SAMD5: variants seen among roughly 807,000 people sequenced by gnomAD.
SAMD5 encodes sterile alpha motif domain containing 5, also known as sterile alpha motif domain-containing protein 5.
SAMD5 carries 13 observed loss-of-function variants against 11.3 expected under a neutral mutation model. The ratio of observed to expected loss-of-function variants is 1.15; its 90% CI spans 0.75 to 1.83. The LOEUF (loss-of-function observed/expected upper bound fraction) is 1.83. Ranked by LOEUF, SAMD5 falls within the 40% of genes most tolerant of loss-of-function variation. SAMD5 has a pLI of 0.00. For missense variants in SAMD5, 255 were observed against 239.1 expected, an observed-to-expected ratio of 1.07 and a Z score of -0.44; for synonymous variants, 129 against 111.3, an observed-to-expected ratio of 1.16 and a Z score of -1.00.
chr6:147,896,572 A>T, the SAMD5 span, among the ~76,000 whole-genome samples: 1 of 152,082 alleles, frequency 6.6e-6, no homozygotes, highest in Non-Finnish European at 1.5e-5. Context: ...TGGAGACGGG[A>T]TGTGCAAAAA....
chr6:147,745,099 G>A, the SAMD5 span, among the ~76,000 whole-genome samples: 1 of 151,956 alleles, frequency 6.6e-6, no homozygotes, highest in Non-Finnish European at 1.5e-5. Context: ...GTATTCTTGT[G>A]ATTTTTAAAA....
At chr6:147,869,380 A>G in the SAMD5 span, among the ~76,000 whole-genome samples, 1 of 152,186 alleles carries the variant, frequency 6.6e-6, no homozygotes, top group African/African-American at 2.4e-5. Context: ...CATAGATTTC[A>G]GGTCCTGCCT....
intron 1 of SAMD5, among the ~76,000 whole-genome samples, chr6:147,544,691 T>C (rs1788658407): frequency 6.6e-6 from 1 of 152,192 alleles, no homozygotes; most frequent in South Asian, 2.1e-4. Flanking sequence ...TACTGCTTTA[T>C]ATCCTTTTGT....
the SAMD5 span, among the ~76,000 whole-genome samples, chr6:147,754,661 C>A: frequency 3.7e-3 from 563 of 152,028 alleles, 3 homozygotes; most frequent in African/African-American, 0.013. Flanking sequence ...GAGATTTTCC[C>A]CGATGTTTTC....
At chr6:147,784,843 A>G in the SAMD5 span, among the ~76,000 whole-genome samples, 1 of 152,248 alleles carries the variant, frequency 6.6e-6, no homozygotes, top group South Asian at 2.1e-4. Context: ...AGCACTAGCT[A>G]AAACAAACTG....
intron 1 of SAMD5, among the ~76,000 whole-genome samples, chr6:147,642,920 T>C (rs1790335558): frequency 6.6e-6 from 1 of 152,200 alleles, no homozygotes; most frequent in Non-Finnish European, 1.5e-5. Context: ...TGCACTGTTG[T>C]CACCCCAGAA....
chr6:147,697,709 A>G (rs1433963384), intron 1 of SAMD5, among the ~76,000 whole-genome samples: 1 of 152,224 alleles, frequency 6.6e-6, no homozygotes, highest in Non-Finnish European at 1.5e-5. Flanking sequence ...GAGCAAGGAA[A>G]CAATCATGAT....
the SAMD5 span, among the ~76,000 whole-genome samples, chr6:147,796,409 C>T: frequency 7.3e-3 from 1,116 of 152,160 alleles, 14 homozygotes; most frequent in African/African-American, 0.025. Context: ...GGGCTCTGTT[C>T]CGTTCCATTG....
the SAMD5 span, among the ~76,000 whole-genome samples, chr6:147,932,497 C>A: frequency 4.6e-5 from 7 of 152,086 alleles, no homozygotes; most frequent in African/African-American, 1.7e-4. Context: ...TACTTTAACT[C>A]AAGCAAATAC....
intron 1 of SAMD5, among the ~76,000 whole-genome samples, chr6:147,617,346 C>G (rs556203989): frequency 6.6e-6 from 1 of 152,200 alleles, no homozygotes; most frequent in African/African-American, 2.4e-5. Flanking sequence ...GCCCTGGCCT[C>G]CATGCCCTTG....
At chr6:147,708,174 G>T (rs1169590652) in intron 1 of SAMD5, among the ~76,000 whole-genome samples, 1 of 152,096 alleles carries the variant, frequency 6.6e-6, no homozygotes, top group African/African-American at 2.4e-5. Flanking sequence ...TTAAAATCAG[G>T]TCAGCCAGGT....
At chr6:147,720,277 T>A (rs555911828) in intron 1 of SAMD5, among the ~76,000 whole-genome samples, 2 of 152,000 alleles carry the variant, frequency 1.3e-5, no homozygotes, top group South Asian at 2.1e-4. Context: ...CTGGCTAACA[T>A]GGTGAAACCC....
chr6:147,763,822 T>G, the SAMD5 span, among the ~76,000 whole-genome samples: 1 of 152,090 alleles, frequency 6.6e-6, no homozygotes, highest in Non-Finnish European at 1.5e-5. Flanking sequence ...GACCTCGTGG[T>G]CCGCCTGCCT....
rs1310001936 is a variant in SAMD5, at chr6:147,589,611, A to C, written c.162+80224A>C. Among the ~76,000 whole-genome samples, 35 of 152,192 alleles carry C rather than the reference A, an allele frequency of 2.3e-4. 1 individual carries two copies. Among genetic ancestry groups the C allele is most frequent in the Non-Finnish European group, 2.9e-5 (2 of 68,032 alleles). The stretch of plus-strand genomic sequence containing the variant: ...TGGTAGTAGCACTTCTTAGAAAGGC[A>C]GTAAAATATAGCAGGTACCAACCTA... On this transcript the variant is annotated intron_variant, in intron 1 of 1. Coordinates refer to the SAMD5 transcript ENST00000566741.
At chr6:147,552,282 C>T (rs954508606) in intron 1 of SAMD5, among the ~76,000 whole-genome samples, 5 of 152,306 alleles carry the variant, frequency 3.3e-5, no homozygotes, top group Admixed American at 3.3e-4. Flanking sequence ...CCTGTTGCTT[C>T]TTGAAGTAAT....
intron 1 of SAMD5, among the ~76,000 whole-genome samples, chr6:147,525,431 A>G (rs1583068061): frequency 6.6e-6 from 1 of 150,684 alleles, no homozygotes; most frequent in East Asian, 1.9e-4. Flanking sequence ...TCCATAGAAC[A>G]CTAATACATG....
chr6:147,857,980 T>G, the SAMD5 span, among the ~76,000 whole-genome samples: 1 of 113,590 alleles, frequency 8.8e-6, no homozygotes. Flanking sequence ...CCTCATCCCC[T>G]GTCAGAATAT....
chr6:147,857,122 A>G, the SAMD5 span, among the ~76,000 whole-genome samples: 1,431 of 151,838 alleles, frequency 9.4e-3, 35 homozygotes, highest in South Asian at 0.063. Flanking sequence ...AGAGAACAAG[A>G]CACAGTTGGA....
chr6:147,611,716 C>T (rs1416778074), intron 1 of SAMD5, among the ~76,000 whole-genome samples: 2 of 152,130 alleles, frequency 1.3e-5, no homozygotes, highest in East Asian at 3.9e-4. Context: ...AGCTTTGCTG[C>T]TGGTAAAATT....
Sources: gnomAD v4.1 joint callset for allele counts (sites outside exome capture counted in the v4.1 genomes callset) on GRCh38, gnomAD v4.1.1 for gene constraint, MANE v1.5 for transcripts, NCBI Gene and HGNC (gene_info 2026-07-23, HGNC 2026-07-21) for gene names.